The following CNTLN variants were observed in gnomAD, a reference collection of about 807,000 sequenced individuals.
The protein encoded by CNTLN is centlein, centrosomal protein.
CNTLN carries 212 observed loss-of-function variants against 180.0 expected under a neutral mutation model. That is an observed-to-expected ratio of 1.18 (90% CI 1.05 to 1.32). CNTLN has a LOEUF of 1.32. CNTLN is among the 40% of genes most tolerant of loss of function. The pLI is 0.00. For missense variants in CNTLN, 2,095 were observed against 1,610.9 expected (o/e 1.30, Z -5.14); for synonymous variants, 722 against 563.1 (o/e 1.28, Z -3.99).
intron 15 of CNTLN, among the ~76,000 whole-genome samples, chr9:17,406,859 C>G (rs1028484115): frequency 6.6e-6 from 1 of 151,634 alleles, no homozygotes; most frequent in African/African-American, 2.4e-5. Context: ...TCCTTCTGCC[C>G]CTGCCCACCC....
the CNTLN span, among the ~76,000 whole-genome samples, chr9:17,517,954 C>G: frequency 3.3e-5 from 5 of 151,686 alleles, no homozygotes; most frequent in African/African-American, 7.3e-5. Flanking sequence ...TAACCACCCC[C>G]CAAGGAGCCT....
chr9:17,320,894 G>A (rs1333492028), intron 8 of CNTLN, among the ~76,000 whole-genome samples: 1 of 152,092 alleles, frequency 6.6e-6, no homozygotes. Context: ...TGAACCTAAG[G>A]CTTTTGAATA....
At chr9:17,301,382 G>A (rs981424858) in intron 7 of CNTLN, 1 of 985,226 alleles carries the variant, frequency 1.0e-6, no homozygotes, top group Non-Finnish European at 1.2e-6. Flanking sequence ...GTTATGTTGT[G>A]TTTGTGAATG....
At chr9:17,368,703 C>G (rs1216671323) in intron 13 of CNTLN, among the ~76,000 whole-genome samples, 1 of 152,172 alleles carries the variant, frequency 6.6e-6, no homozygotes, top group Non-Finnish European at 1.5e-5. Context: ...GAGTCTCTGC[C>G]TGGTAATCCA....
Position 17,273,756 on chromosome 9 carries a change from A to T in CNTLN, c.873A>T (p.Glu291Asp). 1 of 1,537,214 alleles carries T rather than the reference A, an allele frequency of 6.5e-7. No homozygotes were observed. Among genetic ancestry groups the T allele is most frequent in the East Asian group, 2.4e-5 (1 of 40,932 alleles). The change falls in exon 6 of 26, where the codon GAA (glutamate) becomes GAT (aspartate). Residue 291 changes from glutamate to aspartate, a missense_variant. Coordinates refer to ENST00000380647, the MANE Select transcript of CNTLN (RefSeq NM_017738.4). ...AGACCTTTGAAGACAATTTAATTGA[A>T]GCAAGGAAAGAAGTTGAAGTATCAC... is the stretch of plus-strand genomic sequence containing the variant. Reference protein sequence around the residue: ...KIKTFEDNLIEARKEVEVSQS... With the variant: ...KIKTFEDNLIDARKEVEVSQS...
chr9:17,169,320 A>G (rs1012321953), intron 2 of CNTLN, among the ~76,000 whole-genome samples: 9 of 152,034 alleles, frequency 5.9e-5, no homozygotes, highest in African/African-American at 2.2e-4. Context: ...GTAATCCTAA[A>G]CCTGATAGAA....
chr9:17,526,084 C>T, the CNTLN span, among the ~76,000 whole-genome samples: 1 of 152,046 alleles, frequency 6.6e-6, no homozygotes, highest in Non-Finnish European at 1.5e-5. Context: ...TACAGGTGCC[C>T]ACCACCACAC....
At chr9:17,237,132 C>A (rs145173648) in intron 5 of CNTLN, among the ~76,000 whole-genome samples, 2,371 of 151,922 alleles carry the variant, frequency 0.016, 67 homozygotes, top group African/African-American at 0.055. Flanking sequence ...TAATCTTATA[C>A]CCTTTTTAAA....
downstream of CNTLN, among the ~76,000 whole-genome samples, chr9:17,507,362 A>G (rs1247223804): frequency 6.6e-6 from 1 of 152,088 alleles, no homozygotes; most frequent in African/African-American, 2.4e-5. Context: ...TGGTGTATAT[A>G]TCTTCCACAT....
chr9:17,196,963 G>A (rs1307881344), intron 2 of CNTLN, among the ~76,000 whole-genome samples: 2 of 152,112 alleles, frequency 1.3e-5, no homozygotes, highest in Admixed American at 6.5e-5. Context: ...CTATCAAAGT[G>A]TATAGTTGTG....
At chr9:17,510,738 T>A in the CNTLN span, among the ~76,000 whole-genome samples, 2 of 152,214 alleles carry the variant, frequency 1.3e-5, no homozygotes, top group Non-Finnish European at 2.9e-5. Context: ...AGGAAACTCC[T>A]CAGAATAAAT....
Position 17,184,413 on chromosome 9 carries a change from C to T in CNTLN, c.449+41037C>T, listed in dbSNP as rs568506814. Among the ~76,000 whole-genome samples, 64 of 151,986 alleles carry T rather than the reference C, an allele frequency of 4.2e-4. No homozygotes were observed. In the South Asian group the frequency reaches 0.011, roughly 25 times the overall value. ...AGCAATTGTATTTTAAAGTGCAATA[C>T]GTATGATAACTAGCTATTTCAAAAT... On this transcript the variant is annotated intron_variant, in intron 2 of 25. Transcript: ENST00000380647.
rs145784839 is a variant in CNTLN at position 17,367,461 on chromosome 9, G to A, written c.1987+744G>A. On this transcript the variant is annotated intron_variant, in intron 13 of 25. Transcript: ENST00000380647. ...TAGGCAAGCCCTAGTGCAGAGTTGG[G>A]CTCAGACCAGTGGACTTGGGTGGCA... Among the ~76,000 whole-genome samples the A allele has an allele frequency of 5.0e-3, 766 of 152,190 alleles. 5 individuals carry two copies. Among genetic ancestry groups the A allele is most frequent in the African/African-American group, 0.018 (735 of 41,528 alleles).
the CNTLN span, among the ~76,000 whole-genome samples, chr9:17,519,014 C>G: frequency 6.6e-6 from 1 of 152,090 alleles, no homozygotes; most frequent in Non-Finnish European, 1.5e-5. Flanking sequence ...CCTCTGCCTC[C>G]CGGGCTCAAG....
Position 17,464,512 on chromosome 9 carries a change from G to A in CNTLN, c.3420G>A (p.Glu1140=). The change falls in exon 21 of 26, where the codon GAG becomes GAA. Residue 1140 remains glutamate (E), a synonymous_variant. Transcript: ENST00000380647. ...KEMHEKISRM[E]RDITMKRHLI... ...TTTTTTCAAGGATATCTCGAATGGA[G>A]AGGGATATAACTATGAAAAGACATT... 1 of 1,527,360 alleles carries A rather than the reference G, an allele frequency of 6.5e-7. No individual in the cohort carries two copies. Among genetic ancestry groups the A allele is most frequent in the Non-Finnish European group, 8.7e-7 (1 of 1,147,798 alleles). 94.6% of individuals were successfully genotyped at this position (1,527,360 alleles called of 1,614,324 possible).
chr9:17,495,383 G>A, intron 25 of CNTLN, among the ~76,000 whole-genome samples: 1 of 151,958 alleles, frequency 6.6e-6, no homozygotes, highest in Admixed American at 6.6e-5. Context: ...TGGAAGACAG[G>A]GATAGTGATG....
chr9:17,265,470 A>G (rs2132421724), intron 5 of CNTLN, among the ~76,000 whole-genome samples: 1 of 151,400 alleles, frequency 6.6e-6, no homozygotes. Context: ...TTTTTACATC[A>G]ATGTTCATCA....
At chr9:17,149,351 C>T (rs200016378) in intron 2 of CNTLN, among the ~76,000 whole-genome samples, 1 of 151,782 alleles carries the variant, frequency 6.6e-6, no homozygotes. Flanking sequence ...GATTGCTGGG[C>T]CAAATGGTAT....
chr9:17,272,977 CA>C (rs1353961375), intron 5 of CNTLN, among the ~76,000 whole-genome samples: 5 of 151,918 alleles, frequency 3.3e-5, no homozygotes, highest in African/African-American at 7.2e-5. Flanking sequence ...ATTTATCTAT[CA>C]TTGTCTTTTC....
Sources: gnomAD v4.1 joint callset for allele counts (sites outside exome capture counted in the v4.1 genomes callset) on GRCh38, gnomAD v4.1.1 for gene constraint, MANE v1.5 for transcripts, NCBI Gene and HGNC (gene_info 2026-07-23, HGNC 2026-07-21) for gene names.